The following BDKRB2 variants were observed in gnomAD, a reference collection of about 807,000 sequenced individuals.
BDKRB2 encodes bradykinin receptor B2.
BDKRB2 carries 6 observed loss-of-function variants against 4.0 expected under a neutral mutation model. The observed-to-expected ratio is 1.49, with a 90% CI of 0.81 to 2.93. The LOEUF is 2.93. BDKRB2 is among the 30% of genes most tolerant of loss of function. The probability of loss-of-function intolerance (pLI) is 0.00; values close to 1 mark genes in which losing one functional copy is unlikely to be tolerated. For missense variants in BDKRB2, 478 were observed against 520.1 expected (o/e 0.92, Z 0.79); for synonymous variants, 225 against 215.3 (o/e 1.05, Z -0.40).
intron 1 of BDKRB2, among the ~76,000 whole-genome samples, chr14:96,225,647 G>A (rs1413566926): frequency 6.6e-6 from 1 of 152,142 alleles, no homozygotes; most frequent in Non-Finnish European, 1.5e-5. Flanking sequence ...ATACTACCCT[G>A]TGCAGATAGG....
rs1214117912 is a variant in BDKRB2, at chr14:96,241,360, G to C, written c.1032G>C (p.Trp344Cys). The C allele has an allele frequency of 6.2e-7, 1 of 1,613,988 alleles. No homozygotes were observed. Among genetic ancestry groups the C allele is most frequent in the South Asian group, 1.1e-5 (1 of 91,074 alleles). Residue 344 changes from tryptophan (W) to cysteine (C), a missense_variant, in exon 3 of 3, where the codon TGG becomes TGC. By Grantham distance (215) the Trp-to-Cys change is radical. Transcript: ENST00000554311. Reference protein sequence around the residue: ...IVGKRFRKKSWEVYQGVCQKG... With the variant: ...IVGKRFRKKSCEVYQGVCQKG... Reference sequence around the variant, plus strand: ...GCAAGCGCTTCCGAAAGAAGTCTTGGGAGGTGTACCAGGGAGTGTGCCAGA... The same window carrying C: ...GCAAGCGCTTCCGAAAGAAGTCTTGCGAGGTGTACCAGGGAGTGTGCCAGA...
At chr14:96,233,957 C>A (rs1434406076) in intron 1 of BDKRB2, 1 of 152,238 alleles carries the variant, frequency 6.6e-6, no homozygotes, top group Non-Finnish European at 1.5e-5. Flanking sequence ...AGAGTCATCA[C>A]CTGTCCCCAG....
intron 2 of BDKRB2, chr14:96,238,239 C>T (rs540015346): frequency 2.4e-4 from 119 of 496,622 alleles, no homozygotes; most frequent in Middle Eastern, 2.1e-3. Flanking sequence ...TTGGTTCCCC[C>T]CATGTGGCTG....
chr14:96,215,481 A>AAG (rs11389822), intron 1 of BDKRB2, among the ~76,000 whole-genome samples: 10 of 150,334 alleles, frequency 6.7e-5, no homozygotes, highest in South Asian at 6.4e-4. Flanking sequence ...CAAAAAAAAA[A>AAG]GGGAGGGGGT....
chr14:96,208,822 C>T (rs1890244088), intron 1 of BDKRB2, among the ~76,000 whole-genome samples: 2 of 152,224 alleles, frequency 1.3e-5, no homozygotes, highest in South Asian at 4.1e-4. Flanking sequence ...CCATCCCATT[C>T]ACTGCCAACC....
At position 96,241,536 on chromosome 14, in the gene BDKRB2, G is replaced by A; in HGVS notation, c.*32G>A. The A allele has an allele frequency of 6.6e-7, 1 of 1,507,122 alleles. No homozygotes were observed. The highest frequency in any genetic ancestry group is 1.4e-5 in the African/African-American group (1 of 72,022). The allele number at this position is 1,507,122 out of a possible 1,614,324, so 93.4% of individuals were successfully genotyped here. ...GCCAGCAGGGCTGCTGTGAATTTGT[G>A]TAAGGATTGAGGGACAGTTGCTTTT... On this transcript the variant is annotated 3_prime_UTR_variant, in exon 3 of 3. Coordinates refer to ENST00000554311, the MANE Select transcript of BDKRB2 (RefSeq NM_001379692.1).
At chr14:96,219,818 C>G (rs1200754369) in intron 1 of BDKRB2, among the ~76,000 whole-genome samples, 1 of 151,802 alleles carries the variant, frequency 6.6e-6, no homozygotes, top group Non-Finnish European at 1.5e-5. Flanking sequence ...GGTGTCTCTA[C>G]GGTGCCTGGG....
intron 1 of BDKRB2, among the ~76,000 whole-genome samples, chr14:96,210,315 G>A (rs536943767): frequency 2.6e-5 from 4 of 152,202 alleles, no homozygotes; most frequent in East Asian, 1.9e-4. Flanking sequence ...GGCTTAGTGC[G>A]TTTGGGGTCT....
intron 1 of BDKRB2, among the ~76,000 whole-genome samples, chr14:96,216,831 C>T (rs904509732): frequency 6.7e-6 from 1 of 148,246 alleles, no homozygotes; most frequent in Non-Finnish European, 1.5e-5. Context: ...AGGAGGAGAT[C>T]CTACAGCACT....
intron 1 of BDKRB2, among the ~76,000 whole-genome samples, chr14:96,235,976 C>T (rs1191812133): frequency 6.6e-6 from 1 of 152,078 alleles, no homozygotes; most frequent in Non-Finnish European, 1.5e-5. Context: ...GGGACTGAGA[C>T]AAGTCACCCC....
chr14:96,237,162 C>T lies in BDKRB2; in HGVS notation c.55C>T (p.Pro19Ser). 1 of 1,613,772 alleles carries T rather than the reference C, an allele frequency of 6.2e-7. No individual in the cohort carries two copies. Among genetic ancestry groups the T allele is most frequent in the Non-Finnish European group, 8.5e-7 (1 of 1,179,636 alleles). The change falls in exon 2 of 3, where the codon CCC becomes TCC. Residue 19 changes from proline (P) to serine (S), a missense_variant. By Grantham distance (74) the Pro-to-Ser change is moderately conservative. Coordinates refer to ENST00000554311, the MANE Select transcript of BDKRB2 (RefSeq NM_001379692.1). The stretch of plus-strand genomic sequence containing the variant: ...TCTGTCTGTTCGTGAGGACTCCGTG[C>T]CCACCACGGCCTCTTTCAGGTGAGT... The part of the protein sequence containing the change: ...MFLSVREDSV[P>S]TTASFSADML...
At chr14:96,240,163 A>G in intron 2 of BDKRB2, 1 of 1,247,550 alleles carries the variant, frequency 8.0e-7, no homozygotes, top group Non-Finnish European at 1.0e-6. Flanking sequence ...GAAATATCCC[A>G]GTGGAGCCTC....
chr14:96,205,603 G>A (rs779725966), intron 1 of BDKRB2, among the ~76,000 whole-genome samples: 5 of 152,222 alleles, frequency 3.3e-5, no homozygotes, highest in African/African-American at 1.2e-4. Context: ...AGGGCAGGGG[G>A]ATAGGATGGT....
At chr14:96,224,812 T>C (rs1486142810) in intron 1 of BDKRB2, among the ~76,000 whole-genome samples, 1 of 152,208 alleles carries the variant, frequency 6.6e-6, no homozygotes, top group Non-Finnish European at 1.5e-5. Context: ...AACCAGGAAC[T>C]CTGGAATTCT....
intron 1 of BDKRB2, among the ~76,000 whole-genome samples, chr14:96,210,261 G>A (rs1890275238): frequency 6.6e-6 from 1 of 152,208 alleles, no homozygotes; most frequent in Admixed American, 6.5e-5. Flanking sequence ...CACAAAACGG[G>A]AGGCGGGTTG....
intron 1 of BDKRB2, among the ~76,000 whole-genome samples, chr14:96,234,594 G>A (rs568878758): frequency 7.9e-5 from 12 of 152,316 alleles, no homozygotes; most frequent in Non-Finnish European, 1.6e-4. Context: ...TAGAGCAGAT[G>A]GAGAAAACAA....
intron 1 of BDKRB2, among the ~76,000 whole-genome samples, chr14:96,210,016 A>ATCATC (rs1555359553): frequency 3.0e-4 from 41 of 136,244 alleles, no homozygotes; most frequent in African/African-American, 9.0e-4. Flanking sequence ...TAATAATAAT[A>ATCATC]ATCATCATCA....
At chr14:96,222,486 C>T (rs901383384) in intron 1 of BDKRB2, among the ~76,000 whole-genome samples, 2 of 151,986 alleles carry the variant, frequency 1.3e-5, no homozygotes, top group African/African-American at 4.8e-5. Context: ...CACCAAGAGC[C>T]ACCTCATTAG....
intron 1 of BDKRB2, among the ~76,000 whole-genome samples, chr14:96,209,506 A>T (rs1314230009): frequency 6.6e-6 from 1 of 152,192 alleles, no homozygotes; most frequent in Non-Finnish European, 1.5e-5. Context: ...CACTATTCAA[A>T]GGGAAAAAAG....
Sources: allele counts gnomAD v4.1 joint callset (sites outside exome capture counted in the v4.1 genomes callset), GRCh38; gene constraint gnomAD v4.1.1; transcripts MANE v1.5; gene names NCBI Gene and HGNC (gene_info 2026-07-23, HGNC 2026-07-21).